The following BMP1 variants were observed in gnomAD, a reference collection of about 807,000 sequenced individuals.
BMP1 encodes the protein mammalian tolloid protein.
A neutral mutation model predicts 116.8 loss-of-function variants in BMP1; 63 were observed. The ratio of observed to expected loss-of-function variants is 0.54; its 90% CI spans 0.44 to 0.67. BMP1 has a LOEUF of 0.67. Ranked by LOEUF, BMP1 falls within the 30% of genes least tolerant of loss-of-function variation. The probability of loss-of-function intolerance (pLI) is 0.00; values close to 1 mark genes in which losing one functional copy is unlikely to be tolerated. For synonymous variants in BMP1, 536 were observed against 533.4 expected (o/e 1.00, Z -0.07); for missense variants, 1,183 against 1,358.9 (o/e 0.87, Z 2.04).
chr8:22,178,438 C>G (rs74593789), intron 6 of BMP1, among the ~76,000 whole-genome samples: 4,522 of 152,154 alleles, frequency 0.03, 235 homozygotes, highest in African/African-American at 0.1. Context: ...GACAGGCACA[C>G]GCCACCGTGC....
chr8:22,192,468 C>A (rs1031946782), intron 9 of BMP1: 2 of 245,400 alleles, frequency 8.1e-6, no homozygotes, highest in Non-Finnish European at 8.0e-6. Flanking sequence ...GGCTGTTCTG[C>A]GCATCCCCAT....
intron 8 of BMP1, among the ~76,000 whole-genome samples, chr8:22,181,069 G>A (rs1208354603): frequency 6.6e-6 from 1 of 152,226 alleles, no homozygotes; most frequent in Non-Finnish European, 1.5e-5. Flanking sequence ...GCTGCCTGGT[G>A]GGTCTCTCCT....
chr8:22,186,905 A>G (rs1052578669), intron 8 of BMP1, among the ~76,000 whole-genome samples: 2 of 152,248 alleles, frequency 1.3e-5, no homozygotes, highest in African/African-American at 4.8e-5. Flanking sequence ...ATTAATATAC[A>G]TAAAGTCCCT....
chr8:22,204,262 G>T (rs993007439), intron 16 of BMP1, among the ~76,000 whole-genome samples: 6 of 152,154 alleles, frequency 3.9e-5, no homozygotes, highest in African/African-American at 1.4e-4. Flanking sequence ...GTGGGTAGAC[G>T]GGAGCTTCAC....
At position 22,206,919 on chromosome 8, in the gene BMP1, T is replaced by C. The variant is rs1290485843; in HGVS notation, c.2299T>C (p.Tyr767His). 1.9e-6 allele frequency: 3 copies of C among 1,614,060 alleles called. No individual in the cohort carries two copies. Among genetic ancestry groups the C allele is most frequent in the Non-Finnish European group, 2.5e-6 (3 of 1,180,022 alleles). ...CACCAGCCCCAACTGGCCTGACAAGTATCCCAGCAAGAAGGAGTGCACGTG... is the reference window on the plus strand; with the variant it reads ...CACCAGCCCCAACTGGCCTGACAAGCATCCCAGCAAGAAGGAGTGCACGTG... ...TITSPNWPDK[Y>H]PSKKECTWAI... Residue 767 changes from tyrosine to histidine, a missense_variant, in exon 17 of 20, where the codon TAT becomes CAT. Transcript: ENST00000306385.
At chr8:22,176,791 GC>G in intron 4 of BMP1, 141 bp downstream of exon 4, 2 of 1,049,302 alleles carry the variant, frequency 1.9e-6, no homozygotes, top group Non-Finnish European at 2.9e-6. Flanking sequence ...CCCAGGAACT[GC>G]CCCCTGTGCG....
chr8:22,208,736 C>A (rs1284334647), intron 18 of BMP1, among the ~76,000 whole-genome samples: 1 of 152,230 alleles, frequency 6.6e-6, no homozygotes, highest in Non-Finnish European at 1.5e-5. Context: ...GCTTTGCAGT[C>A]TCCTCCTGGG....
intron 18 of BMP1, among the ~76,000 whole-genome samples, chr8:22,207,861 T>C (rs1207051903): frequency 6.6e-6 from 1 of 150,774 alleles, no homozygotes; most frequent in Admixed American, 6.6e-5. Context: ...TTCTCTGATA[T>C]TTATTTTTTT....
At chr8:22,207,558 C>A (rs1829386764) in intron 18 of BMP1, 42 bp downstream of exon 18, 1 of 1,601,358 alleles carries the variant, frequency 6.2e-7, no homozygotes. Context: ...AGCCTGGTCT[C>A]CAAGACTGGG....
In BMP1 at chr8:22,173,699, C is replaced by T. The variant is rs1466399233; in HGVS notation, c.246C>T (p.Ser82=). ...VDLRRHTARK[S]SIKAAVPGNT... The stretch of plus-strand genomic sequence containing the variant: ...TCAGACGGCACACAGCTCGTAAGTC[C>T]TCCATCAAAGCTGCAGGTAAGCCGG... The change falls in exon 2 of 20, where the codon TCC becomes TCT. Residue 82 remains serine (S), a synonymous_variant. Coordinates refer to ENST00000306385, the MANE Select transcript of BMP1 (RefSeq NM_006129.5). The T allele has an allele frequency of 6.2e-7, 1 of 1,612,056 alleles. No individual in the cohort carries two copies. The highest frequency in any genetic ancestry group is 1.1e-5 in the South Asian group (1 of 90,880).
chr8:22,177,204 C>T (rs1432322581), intron 5 of BMP1, 65 bp downstream of exon 5: 1 of 1,460,708 alleles, frequency 6.8e-7, no homozygotes, highest in Non-Finnish European at 9.2e-7. Flanking sequence ...ACCTCCAGGA[C>T]CCCTGGGGGC....
At position 22,194,593 on chromosome 8, in the gene BMP1, A is replaced by G. The variant is rs767337922; in HGVS notation, c.1443+3A>G. 8.7e-6 allele frequency: 14 copies of G among 1,613,884 alleles called. No homozygotes were observed. The highest frequency in any genetic ancestry group is 1.2e-5 in the Non-Finnish European group (14 of 1,179,928). On this transcript the variant is annotated splice_donor_region_variant and intron_variant, in intron 11 of 19. Transcript: ENST00000306385. The surrounding 1 kb of genome is among the most constrained non-coding windows in gnomAD (Gnocchi z 4.5). ...GCCTCACATTCCAGTCCTTTGAGGT[A>G]GGTCAGTGGCCCTGTGATCTGACCT... is the stretch of plus-strand genomic sequence containing the variant.
In BMP1 at chr8:22,194,225, A is replaced by G. The variant is rs374570146; in HGVS notation, c.1297+51A>G. On this transcript the variant is annotated intron_variant, in intron 10 of 19. Transcript: ENST00000306385. The surrounding 1 kb of genome is among the most constrained non-coding windows in gnomAD (Gnocchi z 4.5). ...GGAGTCAGATAGGAGGTCTCTGGGC[A>G]TGGTAAAACAACTCCCTCCTGGCAC... 3.3e-5 allele frequency: 51 copies of G among 1,563,982 alleles called. No individual in the cohort carries two copies. The African/African-American group carries it at 5.5e-4, about 17-fold the overall frequency.
At chr8:22,172,709 T>C (rs957214251) in intron 1 of BMP1, among the ~76,000 whole-genome samples, 7 of 148,438 alleles carry the variant, frequency 4.7e-5, no homozygotes, top group African/African-American at 1.8e-4. Context: ...ACCTCCTGGG[T>C]TCAATTGATC....
At chr8:22,184,241 G>A (rs1828704718) in intron 8 of BMP1, among the ~76,000 whole-genome samples, 1 of 152,178 alleles carries the variant, frequency 6.6e-6, no homozygotes, top group Admixed American at 6.5e-5. Context: ...TTTGCAATCG[G>A]CTGGGGTATG....
Position 22,197,391 on chromosome 8 carries a change from A to C in BMP1, c.2078A>C (p.Lys693Thr). 6.2e-7 allele frequency: 1 copy of C among 1,611,808 alleles called. No individual in the cohort carries two copies. The highest frequency in any genetic ancestry group is 8.5e-7 in the Non-Finnish European group (1 of 1,178,108). ...TTCAAGTCCGACAACACCGTGTCCA[A>C]AAAGGGCTTCAAGGCCCACTTCTTC... ...VEFKSDNTVS[K>T]KGFKAHFFSD... is the part of the protein sequence containing the mutation. The change falls in exon 15 of 20, where the codon AAA (lysine) becomes ACA (threonine). Residue 693 changes from lysine (K) to threonine (T), a missense_variant. Transcript: ENST00000306385.
At chr8:22,196,926 G>C (rs1215955657) in intron 14 of BMP1, 86 bp downstream of exon 14, 2 of 1,466,446 alleles carry the variant, frequency 1.4e-6, no homozygotes, top group Non-Finnish European at 1.8e-6. Context: ...TCCTCTGAGA[G>C]GGGGCCCGGC....
chr8:22,201,195 C>G (rs778878576), intron 15 of BMP1: 2 of 1,613,386 alleles, frequency 1.2e-6, no homozygotes, highest in South Asian at 2.2e-5. Context: ...AAACCGGACC[C>G]CCCAGTGAGG....
At chr8:22,199,525 C>A (rs1191960084) in intron 15 of BMP1, 1 of 867,320 alleles carries the variant, frequency 1.2e-6, no homozygotes, top group Non-Finnish European at 1.5e-6. Flanking sequence ...GACTCACTTT[C>A]CCCCACTCAT....
Sources: allele counts gnomAD v4.1 joint callset (sites outside exome capture counted in the v4.1 genomes callset), GRCh38; gene constraint gnomAD v4.1.1; non-coding constraint Gnocchi (gnomAD v3.1); transcripts MANE v1.5; gene names NCBI Gene and HGNC (gene_info 2026-07-23, HGNC 2026-07-21).